PAAF1: variants seen among roughly 807,000 people sequenced by gnomAD.
PAAF1 encodes the protein proteasomal ATPase-associated factor 1.
A neutral mutation model predicts 52.8 loss-of-function variants in PAAF1; 46 were observed. The ratio of observed to expected loss-of-function variants is 0.87; its 90% confidence interval spans 0.69 to 1.11. PAAF1 has a LOEUF of 1.11. Among genes scored for constraint, PAAF1 ranks in the 50% most tolerant of loss-of-function variants. The pLI is 0.00. For missense variants in PAAF1, 424 were observed against 477.4 expected (o/e 0.89, Z 1.04); for synonymous variants, 178 against 172.8 (o/e 1.03, Z -0.24).
At chr11:73,890,230 C>T (rs1240893243) in intron 3 of PAAF1, among the ~76,000 whole-genome samples, 1 of 152,148 alleles carries the variant, frequency 6.6e-6, no homozygotes, top group Non-Finnish European at 1.5e-5. Flanking sequence ...TGTCATATTG[C>T]AAGAGTCCTT....
intron 4 of PAAF1, among the ~76,000 whole-genome samples, chr11:73,895,112 T>G (rs1450596054): frequency 6.6e-6 from 1 of 152,194 alleles, no homozygotes; most frequent in Admixed American, 6.5e-5. Flanking sequence ...CTGAATAAAA[T>G]AAATAAAACT....
intron 4 of PAAF1, among the ~76,000 whole-genome samples, chr11:73,897,563 C>G (rs1246909484): frequency 6.7e-6 from 1 of 148,886 alleles, no homozygotes; most frequent in Non-Finnish European, 1.5e-5. Flanking sequence ...CGGGCAGAGA[C>G]GCTCCTCACT....
chr11:73,897,143 G>A (rs1452966842), intron 4 of PAAF1, among the ~76,000 whole-genome samples: 25 of 135,788 alleles, frequency 1.8e-4, no homozygotes, highest in African/African-American at 4.5e-4. Context: ...GGGCAGAGGC[G>A]CCCCTCACCT....
At chr11:73,916,405 A>G in intron 8 of PAAF1, 140 bp from the exon 9 acceptor site, 1 of 619,892 alleles carries the variant, frequency 1.6e-6, no homozygotes, top group Non-Finnish European at 2.9e-6. Context: ...TGAATGTGTA[A>G]TTTACCATTT....
chr11:73,889,054 C>A, intron 3 of PAAF1: 1 of 690,700 alleles, frequency 1.4e-6, no homozygotes. Context: ...AGACTGTATG[C>A]TGGAATTGAA....
intron 7 of PAAF1, among the ~76,000 whole-genome samples, chr11:73,912,486 A>G (rs918658263): frequency 9.2e-5 from 14 of 151,814 alleles, no homozygotes; most frequent in Non-Finnish European, 1.8e-4. Context: ...TCTAACTTCA[A>G]AGTGTTTCTA....
chr11:73,887,490 T>C, intron 3 of PAAF1, 33 bp downstream of exon 3: 1 of 1,430,918 alleles, frequency 7.0e-7, no homozygotes. Flanking sequence ...TGGCATGATA[T>C]TTAAAACTAT....
rs1470718439 is a variant in PAAF1, at chr11:73,900,400, C to A, written c.512C>A (p.Thr171Asn). Reference sequence around the variant, plus strand: ...GCTGAAGATGCTAGCTGCGTGGTGACCTTCAAAGGTCACAAAGGAGGTATG... The same window carrying A: ...GCTGAAGATGCTAGCTGCGTGGTGAACTTCAAAGGTCACAAAGGAGGTATG... ...WSAEDASCVV[T>N]FKGHKGGILD... Residue 171 changes from threonine to asparagine, a missense_variant, in exon 6 of 12, where the codon ACC becomes AAC. By Grantham distance (65) the Thr-to-Asn change is moderately conservative. Coordinates refer to ENST00000310571, the MANE Select transcript of PAAF1 (RefSeq NM_025155.3). The A allele has an allele frequency of 6.2e-7, 1 of 1,609,876 alleles. No individual in the cohort carries two copies. The highest frequency in any genetic ancestry group is 8.5e-7 in the Non-Finnish European group (1 of 1,177,204).
rs536485933 is a variant in PAAF1, at chr11:73,916,291, T to C, written c.820-254T>C. On this transcript the variant is annotated intron_variant, in intron 8 of 11. Coordinates refer to ENST00000310571, the MANE Select transcript of PAAF1 (RefSeq NM_025155.3). ...TGTGAGACAGTGTGTTGAGTGGTAG[T>C]AGTTGGAAAACTGCTACTTCAGAGT... Among the ~76,000 whole-genome samples, 12 of 152,288 alleles carry C rather than the reference T, an allele frequency of 7.9e-5. No individual in the cohort carries two copies. The South Asian group carries it at 2.3e-3, about 29-fold the overall frequency.
intron 4 of PAAF1, among the ~76,000 whole-genome samples, chr11:73,896,505 G>C (rs575420820): frequency 5.3e-5 from 8 of 150,734 alleles, no homozygotes; most frequent in East Asian, 3.9e-4. Flanking sequence ...TGACTCTTAA[G>C]GAGCATGCTG....
Position 73,904,310 on chromosome 11 carries a change from G to T in PAAF1, c.532+3890G>T, listed in dbSNP as rs866169018. ...GTAATTCTAAAATGCACTTTAATCA[G>T]TTTGAAGTTAAATTGCCCAGGCCAT... On this transcript the variant is annotated intron_variant, in intron 6 of 11. Transcript: ENST00000310571. 7.2e-5 allele frequency among the ~76,000 whole-genome samples: 11 copies of T among 152,228 alleles called. No homozygotes were observed. The South Asian group carries it at 1.7e-3, about 23-fold the overall frequency.
At chr11:73,927,215 C>A in intron 11 of PAAF1, 70 bp from the exon 12 acceptor site, 1 of 1,170,974 alleles carries the variant, frequency 8.5e-7, no homozygotes, top group South Asian at 1.2e-5. Flanking sequence ...GTGTGTCAAT[C>A]ATAAGCCTCC....
At chr11:73,885,601 G>A (rs1949039232) in intron 2 of PAAF1, among the ~76,000 whole-genome samples, 1 of 151,620 alleles carries the variant, frequency 6.6e-6, no homozygotes, top group South Asian at 2.1e-4. Context: ...CAGCACTTCG[G>A]GAGGTTGAGG....
chr11:73,880,423 G>A (rs1263339298), intron 2 of PAAF1: 1 of 150,354 alleles, frequency 6.7e-6, no homozygotes, highest in African/African-American at 2.4e-5. Context: ...CTAACTGCTT[G>A]AGCTAGGATT....
In PAAF1 at chr11:73,899,148, A is replaced by G. The variant is rs769324245; in HGVS notation, c.285A>G (p.Ile95Met). Residue 95 changes from isoleucine (I) to methionine (M), a missense_variant and splice_region_variant, in exon 5 of 12, where the codon ATA becomes ATG. Transcript: ENST00000310571. ...TTFSRIHTKS[I>M]TCLDISSRGG... ...TTGTTTGTTTTCTCTTTGAACAGAT[A>G]ACATGCCTGGACATTTCCAGCAGAG... 2 of 1,612,582 alleles carry G rather than the reference A, an allele frequency of 1.2e-6. No individual in the cohort carries two copies. The highest frequency in any genetic ancestry group is 1.1e-5 in the South Asian group (1 of 91,048).
At chr11:73,916,401 T>C in intron 8 of PAAF1, 144 bp from the exon 9 acceptor site, 1 of 613,766 alleles carries the variant, frequency 1.6e-6, no homozygotes, top group Non-Finnish European at 2.9e-6. Context: ...TTGGTGAATG[T>C]GTAATTTACC....
rs1949558741 is a variant in PAAF1, at chr11:73,900,260, G to A, written c.382-10G>A. 2 of 1,584,798 alleles carry A rather than the reference G, an allele frequency of 1.3e-6. No individual in the cohort carries two copies. Among genetic ancestry groups the A allele is most frequent in the Non-Finnish European group, 1.7e-6 (2 of 1,159,836 alleles). On this transcript the variant is annotated splice_polypyrimidine_tract_variant and intron_variant, in intron 5 of 11. Transcript: ENST00000310571. ...GAGAACTAGCATGGAATTTTCTTTTGTTTTTCCAGAGAGTATTGGAAGGAC... is the reference window on the plus strand; with the variant it reads ...GAGAACTAGCATGGAATTTTCTTTTATTTTTCCAGAGAGTATTGGAAGGAC...
intron 8 of PAAF1, among the ~76,000 whole-genome samples, chr11:73,916,247 A>G (rs1950059442): frequency 6.6e-6 from 1 of 152,104 alleles, no homozygotes; most frequent in Admixed American, 6.5e-5. Context: ...CAAAGAAGGA[A>G]TTTTGGTGGT....
chr11:73,897,602 G>A (rs1949444727), intron 4 of PAAF1, among the ~76,000 whole-genome samples: 1 of 151,070 alleles, frequency 6.6e-6, no homozygotes, highest in South Asian at 2.1e-4. Context: ...CCGGGAAGAG[G>A]CGCTCCTCAC....
Sources: allele counts gnomAD v4.1 joint callset (sites outside exome capture counted in the v4.1 genomes callset), GRCh38; gene constraint gnomAD v4.1.1; transcripts MANE v1.5; gene names NCBI Gene and HGNC (gene_info 2026-07-23, HGNC 2026-07-21).